GPHN: variants seen among roughly 807,000 people sequenced by gnomAD.
GPHN encodes gephyrin.
In GPHN, 17 loss-of-function variants were observed where a neutral mutation model predicts 95.5. The observed-to-expected ratio is 0.18, with a 90% confidence interval of 0.12 to 0.27. The LOEUF (loss-of-function observed/expected upper bound fraction) is 0.27. GPHN is among the 10% of genes least tolerant of loss of function. GPHN has a pLI of 1.00. For missense variants in GPHN, 660 were observed against 978.1 expected (o/e 0.67, Z 4.34); for synonymous variants, 320 against 322.5 (o/e 0.99, Z 0.08).
At chr14:67,010,269 G>A (rs896075505) in intron 9 of GPHN, among the ~76,000 whole-genome samples, 10 of 150,734 alleles carry the variant, frequency 6.6e-5, no homozygotes, top group African/African-American at 2.2e-4. Flanking sequence ...ATCAAGAATA[G>A]GCCGGGCGCG....
the GPHN span, chr14:67,340,380 A>C: frequency 7.0e-7 from 1 of 1,433,008 alleles, no homozygotes; most frequent in Non-Finnish European, 9.8e-7. Flanking sequence ...TCATTCAGCA[A>C]ATACAGCCTT....
chr14:67,375,529 C>CA, the GPHN span, among the ~76,000 whole-genome samples: 41,648 of 131,158 alleles, frequency 0.32, 9,605 homozygotes, highest in African/African-American at 0.63. Flanking sequence ...GATAAAATAT[C>CA]AAAAAAAAAA....
the GPHN span, among the ~76,000 whole-genome samples, chr14:67,530,848 G>C: frequency 6.6e-6 from 1 of 152,112 alleles, no homozygotes; most frequent in Non-Finnish European, 1.5e-5. Context: ...GCAGAATTTG[G>C]CCTTAACTAT....
At chr14:67,583,676 A>G in the GPHN span, 12 of 1,285,344 alleles carry the variant, frequency 9.3e-6, no homozygotes, top group African/African-American at 1.6e-4. Context: ...TCACCTCTCA[A>G]CAGCCCCCAC....
At chr14:67,503,043 C>A in the GPHN span, among the ~76,000 whole-genome samples, 1 of 152,072 alleles carries the variant, frequency 6.6e-6, no homozygotes, top group East Asian at 1.9e-4. Flanking sequence ...GAGAGCCTTG[C>A]GTAAGTTAGC....
At chr14:67,264,033 C>G in the GPHN span, among the ~76,000 whole-genome samples, 1 of 152,114 alleles carries the variant, frequency 6.6e-6, no homozygotes, top group South Asian at 2.1e-4. Flanking sequence ...ATGCAAGCAC[C>G]TGGGACTACA....
At chr14:67,502,910 C>T in the GPHN span, among the ~76,000 whole-genome samples, 4 of 152,062 alleles carry the variant, frequency 2.6e-5, no homozygotes, top group Non-Finnish European at 4.4e-5. Context: ...AAAGTTCCAG[C>T]CTTTGGGAGC....
chr14:66,584,320 T>A (rs1247127351), intron 1 of GPHN, among the ~76,000 whole-genome samples: 1 of 151,976 alleles, frequency 6.6e-6, no homozygotes, highest in Non-Finnish European at 1.5e-5. Flanking sequence ...TTATACAATC[T>A]TGTCATCTGC....
the GPHN span, chr14:67,395,295 AG>A: frequency 5.3e-6 from 5 of 941,550 alleles, no homozygotes; most frequent in East Asian, 1.2e-4. Flanking sequence ...TGGTGGCACC[AG>A]CCAGACTGTG....
chr14:66,810,448 A>G (rs556431826), intron 3 of GPHN, among the ~76,000 whole-genome samples: 1 of 151,932 alleles, frequency 6.6e-6, no homozygotes, highest in South Asian at 2.1e-4. Flanking sequence ...TTGTCTAGCT[A>G]TATTCATCAT....
At chr14:66,686,546 C>CTA (rs898558011) in intron 2 of GPHN, among the ~76,000 whole-genome samples, 2 of 152,090 alleles carry the variant, frequency 1.3e-5, no homozygotes, top group African/African-American at 4.8e-5. Context: ...ATTTGGCTCT[C>CTA]TATTTGTCTG....
chr14:66,734,165 C>T (rs1194063968), intron 2 of GPHN, among the ~76,000 whole-genome samples: 1 of 152,128 alleles, frequency 6.6e-6, no homozygotes, highest in Non-Finnish European at 1.5e-5. Context: ...AACCGTAAAT[C>T]AGACCATGAC....
chr14:67,331,633 A>G, the GPHN span, among the ~76,000 whole-genome samples: 1 of 152,156 alleles, frequency 6.6e-6, no homozygotes, highest in African/African-American at 2.4e-5. Context: ...TTTGAAAGAG[A>G]ACTTCAGACA....
At chr14:66,578,654 G>GAAAAAAAA (rs574302625) in intron 1 of GPHN, among the ~76,000 whole-genome samples, 1 of 59,688 alleles carries the variant, frequency 1.7e-5, no homozygotes, top group Non-Finnish European at 3.3e-5. Context: ...GGGATAGAGT[G>GAAAAAAAA]AAAAAAAAAA....
At chr14:67,209,462 C>G in the GPHN span, among the ~76,000 whole-genome samples, 3 of 152,118 alleles carry the variant, frequency 2.0e-5, no homozygotes, top group African/African-American at 4.8e-5. Flanking sequence ...TTACAAATCT[C>G]TGCCAAATAA....
At chr14:67,100,343 A>C (rs180717765) in intron 12 of GPHN, among the ~76,000 whole-genome samples, 1 of 152,318 alleles carries the variant, frequency 6.6e-6, no homozygotes, top group Admixed American at 6.5e-5. Context: ...CCTATTTCAC[A>C]TCAGGAAGCC....
At chr14:67,325,054 A>G in the GPHN span, among the ~76,000 whole-genome samples, 3 of 151,792 alleles carry the variant, frequency 2.0e-5, no homozygotes, top group East Asian at 1.9e-4. Context: ...ACAGGTGCCC[A>G]CCATCATGCC....
rs185005478 is a variant in GPHN at position 66,834,099 on chromosome 14, A to G, written c.294+9533A>G. 1.5e-4 allele frequency among the ~76,000 whole-genome samples: 23 copies of G among 152,194 alleles called. No homozygotes were observed. In the East Asian group the frequency reaches 3.1e-3, roughly 20 times the overall value. ...TCAAACTGAAATCTGTCACCTTATAATTTCTACCCACTTGTCCTAATTTTG... is the reference window on the plus strand; with the variant it reads ...TCAAACTGAAATCTGTCACCTTATAGTTTCTACCCACTTGTCCTAATTTTG... On this transcript the variant is annotated intron_variant, in intron 4 of 22. Transcript: ENST00000478722.
At chr14:67,318,822 C>A in the GPHN span, among the ~76,000 whole-genome samples, 1 of 152,050 alleles carries the variant, frequency 6.6e-6, no homozygotes, top group Non-Finnish European at 1.5e-5. Context: ...CTTTGGGAGG[C>A]CGAGGCAGGC....
Sources: allele counts gnomAD v4.1 joint callset (sites outside exome capture counted in the v4.1 genomes callset), GRCh38; gene constraint gnomAD v4.1.1; transcripts MANE v1.5; gene names NCBI Gene and HGNC (gene_info 2026-07-23, HGNC 2026-07-21).